Variants in KIAA1549L observed in about 807,000 individuals in gnomAD.
KIAA1549L encodes the protein UPF0606 protein KIAA1549L.
In KIAA1549L, 88 loss-of-function variants were observed where a neutral mutation model predicts 160.7. That is an observed-to-expected ratio of 0.55 (90% CI 0.46 to 0.65). The LOEUF (loss-of-function observed/expected upper bound fraction) is 0.65, where lower values mean the gene tolerates loss of function less well. Among genes scored for constraint, KIAA1549L ranks in the 30% least tolerant of loss-of-function variants. The pLI, the probability that KIAA1549L is intolerant of heterozygous loss-of-function variation, is 0.00. For synonymous variants in KIAA1549L, 950 were observed against 976.7 expected (o/e 0.97, Z 0.51); for missense variants, 2,258 against 2,437.5 (o/e 0.93, Z 1.55).
intron 1 of KIAA1549L, among the ~76,000 whole-genome samples, chr11:33,384,668 TATCTC>T (rs1850137569): frequency 6.6e-6 from 1 of 152,104 alleles, no homozygotes; most frequent in Non-Finnish European, 1.5e-5. Context: ...TGTTTAGTGG[TATCTC>T]ATTCATTTTA....
Position 33,661,013 on chromosome 11 carries a change from C to A in KIAA1549L, c.6158C>A (p.Ser2053Ter). 1 of 1,607,138 alleles carries A rather than the reference C, an allele frequency of 6.2e-7. No individual in the cohort carries two copies. The highest frequency in any genetic ancestry group is 1.1e-5 in the South Asian group (1 of 89,630). Residue 2053 changes from serine to a stop codon, truncating the protein, a stop_gained and splice_region_variant, in exon 20 of 21, where the codon TCG (serine) becomes TAG (stop). Transcript: ENST00000658780. LOFTEE classifies it high-confidence loss of function. ...ENELPSQWAD[S>*]VPLPGYIEAY... ...GAGCTCCCGAGCCAGTGGGCAGATT[C>A]GGTGAGACCCTTGCTCTTCACCTCA...
chr11:33,442,255 G>T (rs1774993553), intron 1 of KIAA1549L, among the ~76,000 whole-genome samples: 1 of 152,070 alleles, frequency 6.6e-6, no homozygotes, highest in South Asian at 2.1e-4. Context: ...ATTTCTGAGG[G>T]CTCTGTTCTG....
intron 1 of KIAA1549L, among the ~76,000 whole-genome samples, chr11:33,491,804 C>T (rs1316170387): frequency 1.3e-5 from 2 of 152,162 alleles, no homozygotes; most frequent in Non-Finnish European, 2.9e-5. Context: ...ATGGAAGCCC[C>T]CTTCTCCACT....
Position 33,376,705 on chromosome 11 carries a change from G to A in KIAA1549L, c.54G>A (p.Thr18=). ...GCTCAAGGGAAGCTGGGCCCGCGAC[G>A]CGGGGGCGCGGGGGCCGGCCCGTGG... ...PQGSREAGPA[T]RGRGGRPVAR... is the part of the protein sequence containing the mutation. Residue 18 remains threonine, a synonymous_variant, in exon 1 of 21, where the codon ACG becomes ACA. Coordinates refer to ENST00000658780, the MANE Select transcript of KIAA1549L (RefSeq NM_012194.3). The surrounding 1 kb of genome is among the most constrained non-coding windows in gnomAD (Gnocchi z 5.8). 1 of 150,972 alleles carries A rather than the reference G, an allele frequency of 6.6e-6. No homozygotes were observed. The highest frequency in any genetic ancestry group is 1.5e-5 in the Non-Finnish European group (1 of 67,694). The allele number at this position is 150,972 out of a possible 1,614,324, so 9.4% of individuals were successfully genotyped here.
At position 33,551,146 on chromosome 11, in the gene KIAA1549L, G is replaced by A. The variant is rs775476473; in HGVS notation, c.3608G>A (p.Gly1203Glu). The change falls in exon 5 of 21, where the codon GGA becomes GAA. Residue 1203 changes from glycine to glutamate, a missense_variant. Gly to Glu is a moderately conservative substitution (Grantham distance 98, BLOSUM62 -2). Around this residue, in one of 6 missense-constraint regions of KIAA1549L, gnomAD observed 1,359 missense variants for 1,546.6 expected, o/e 0.88. Transcript: ENST00000658780. ...GTGATCGAAATGCTGGGTGTGTATGGAGTCAGCAACGTCACTGCAGACCTG... is the reference window on the plus strand; with the variant it reads ...GTGATCGAAATGCTGGGTGTGTATGAAGTCAGCAACGTCACTGCAGACCTG... ...AVVIEMLGVY[G>E]VSNVTADLKQ... 1.2e-6 allele frequency: 2 copies of A among 1,613,942 alleles called. No homozygotes were observed. Among genetic ancestry groups the A allele is most frequent in the Non-Finnish European group, 8.5e-7 (1 of 1,179,828 alleles).
chr11:33,549,541 C>T (rs1854384065), intron 4 of KIAA1549L, among the ~76,000 whole-genome samples: 1 of 152,174 alleles, frequency 6.6e-6, no homozygotes, highest in African/African-American at 2.4e-5. Context: ...TGCTGAAATA[C>T]CTCTTGTTCC....
At chr11:33,596,008 A>G (rs1187199010) in intron 12 of KIAA1549L, among the ~76,000 whole-genome samples, 1 of 152,068 alleles carries the variant, frequency 6.6e-6, no homozygotes, top group Non-Finnish European at 1.5e-5. Context: ...TGGAGAATCA[A>G]CCGTTTACAG....
At chr11:33,417,725 C>CTCTTTTCCTGCTTTGATTT (rs1211157519) in intron 1 of KIAA1549L, among the ~76,000 whole-genome samples, 1 of 152,172 alleles carries the variant, frequency 6.6e-6, no homozygotes. Context: ...CTCCCCATCC[C>CTCTTTTCCTGCTTTGATTT]TCTTTTCCTG....
intron 15 of KIAA1549L, among the ~76,000 whole-genome samples, chr11:33,618,121 G>A (rs558363975): frequency 7.9e-5 from 12 of 152,316 alleles, no homozygotes; most frequent in South Asian, 6.2e-4. Context: ...AGAATCCTGC[G>A]TGTGAAACCA....
intron 1 of KIAA1549L, among the ~76,000 whole-genome samples, chr11:33,441,798 T>C (rs1049510762): frequency 2.6e-5 from 4 of 152,346 alleles, no homozygotes; most frequent in Middle Eastern, 3.4e-3. Flanking sequence ...TTATTTGAGT[T>C]CATTGTAGAT....
intron 8 of KIAA1549L, among the ~76,000 whole-genome samples, chr11:33,564,281 C>A (rs186350326): frequency 3.2e-4 from 49 of 152,338 alleles, no homozygotes; most frequent in African/African-American, 1.2e-3. Context: ...TCAGCCTTTA[C>A]TCCCAGACAT....
intron 6 of KIAA1549L, among the ~76,000 whole-genome samples, chr11:33,554,942 G>T (rs1377791786): frequency 6.6e-6 from 1 of 152,172 alleles, no homozygotes; most frequent in Admixed American, 6.5e-5. Context: ...GAGGCTACAG[G>T]AATCTAAGAG....
intron 1 of KIAA1549L, among the ~76,000 whole-genome samples, chr11:33,538,632 CAG>C (rs1410270876): frequency 6.6e-6 from 1 of 152,082 alleles, no homozygotes; most frequent in East Asian, 1.9e-4. Flanking sequence ...AGAAGAAAGA[CAG>C]AGGGAATCCA....
intron 10 of KIAA1549L, 28 bp downstream of exon 10, chr11:33,574,901 T>C: frequency 6.3e-7 from 1 of 1,585,486 alleles, no homozygotes; most frequent in Non-Finnish European, 8.6e-7. Flanking sequence ...TTATTCAGTC[T>C]TTTTAATGCC....
At chr11:33,546,764 T>C (rs774547598) in intron 3 of KIAA1549L, among the ~76,000 whole-genome samples, 2 of 152,220 alleles carry the variant, frequency 1.3e-5, no homozygotes, top group African/African-American at 2.4e-5. Context: ...CCCCAGTAGA[T>C]GCCTGAAACT....
At chr11:33,547,656 G>A (rs1278864951) in intron 3 of KIAA1549L, 108 bp from the exon 4 acceptor site, 11 of 693,480 alleles carry the variant, frequency 1.6e-5, no homozygotes, top group African/African-American at 1.1e-4. Flanking sequence ...TGTGCTTACC[G>A]GCTCTGCCCA....
At chr11:33,510,477 G>A (rs373858179) in intron 1 of KIAA1549L, among the ~76,000 whole-genome samples, 4 of 152,166 alleles carry the variant, frequency 2.6e-5, no homozygotes, top group Non-Finnish European at 1.5e-5. Context: ...GTGAGCCACT[G>A]TGCATGGCCA....
chr11:33,592,447 C>A (rs1850084724), intron 12 of KIAA1549L, among the ~76,000 whole-genome samples: 1 of 152,208 alleles, frequency 6.6e-6, no homozygotes, highest in African/African-American at 2.4e-5. Flanking sequence ...GCCGCGTTGG[C>A]TGGCTAAACC....
At chr11:33,420,069 A>T (rs2134101428) in intron 1 of KIAA1549L, among the ~76,000 whole-genome samples, 1 of 152,270 alleles carries the variant, frequency 6.6e-6, no homozygotes, top group African/African-American at 2.4e-5. Flanking sequence ...TTTTAGCTGC[A>T]TAAATTTTAC....
Sources: allele counts gnomAD v4.1 joint callset (sites outside exome capture counted in the v4.1 genomes callset), GRCh38; gene constraint gnomAD v4.1.1; regional missense constraint gnomAD v4.1.1; non-coding constraint Gnocchi (gnomAD v3.1); transcripts MANE v1.5; gene names NCBI Gene and HGNC (gene_info 2026-07-23, HGNC 2026-07-21).